The following SH3BGRL2 variants were observed in gnomAD, a reference collection of about 807,000 sequenced individuals.
The protein encoded by SH3BGRL2 is SH3 domain binding glutamate rich protein like 2, also known as SH3 domain-binding glutamic acid-rich-like protein 2.
A neutral mutation model predicts 14.8 loss-of-function variants in SH3BGRL2; 21 were observed. The ratio of observed to expected loss-of-function variants is 1.42; its 90% CI spans 1.01 to 2.05. SH3BGRL2 has a LOEUF of 2.05. Ranked by LOEUF, SH3BGRL2 falls within the 30% of genes most tolerant of loss-of-function variation. The pLI is 0.00. For synonymous variants in SH3BGRL2, 50 were observed against 47.8 expected (o/e 1.05, Z -0.19); for missense variants, 147 against 130.8 (o/e 1.12, Z -0.61).
chr6:79,550,441 C>T, the SH3BGRL2 span, among the ~76,000 whole-genome samples: 1 of 152,150 alleles, frequency 6.6e-6, no homozygotes, highest in Non-Finnish European at 1.5e-5. Flanking sequence ...GTAGATATAT[C>T]TGTATAATGA....
intron 1 of SH3BGRL2, among the ~76,000 whole-genome samples, chr6:79,660,489 C>T (rs910457750): frequency 1.1e-4 from 16 of 150,112 alleles, no homozygotes; most frequent in African/African-American, 2.4e-4. Flanking sequence ...GGGATGAAGG[C>T]GACCTGATCG....
chr6:79,545,960 G>A, the SH3BGRL2 span, among the ~76,000 whole-genome samples: 30,582 of 151,800 alleles, frequency 0.2, 3,138 homozygotes, highest in African/African-American at 0.23. Context: ...ATAAACTTCT[G>A]TTTATGAATA....
At chr6:79,635,660 TGAGC>T (rs1377283269) in intron 1 of SH3BGRL2, among the ~76,000 whole-genome samples, 3 of 152,096 alleles carry the variant, frequency 2.0e-5, no homozygotes, top group African/African-American at 7.2e-5. Context: ...CAGGGTGAAA[TGAGC>T]TAGACATCAG....
the SH3BGRL2 span, among the ~76,000 whole-genome samples, chr6:79,579,125 G>A: frequency 6.6e-6 from 1 of 152,034 alleles, no homozygotes; most frequent in South Asian, 2.1e-4. Flanking sequence ...AAGAAACAAA[G>A]CCTCCAAGAA....
chr6:79,578,064 G>C, the SH3BGRL2 span, among the ~76,000 whole-genome samples: 1 of 152,250 alleles, frequency 6.6e-6, no homozygotes, highest in Non-Finnish European at 1.5e-5. Context: ...AGCCTGGCTG[G>C]GAGAGGGGCA....
chr6:79,546,908 C>T, the SH3BGRL2 span, among the ~76,000 whole-genome samples: 1 of 151,996 alleles, frequency 6.6e-6, no homozygotes, highest in East Asian at 1.9e-4. Flanking sequence ...TCTCGAACTC[C>T]TGACCTCATG....
At chr6:79,646,425 T>C (rs1769145611) in intron 1 of SH3BGRL2, among the ~76,000 whole-genome samples, 1 of 152,250 alleles carries the variant, frequency 6.6e-6, no homozygotes, top group South Asian at 2.1e-4. Context: ...GCATTGGAAG[T>C]TGGGAGACTT....
chr6:79,564,795 A>G, the SH3BGRL2 span, among the ~76,000 whole-genome samples: 442 of 152,302 alleles, frequency 2.9e-3, 1 homozygote, highest in Admixed American at 6.0e-3. Context: ...CAATTAAAAT[A>G]GGGTGGAAAT....
intron 2 of SH3BGRL2, among the ~76,000 whole-genome samples, chr6:79,693,691 C>T (rs1342172306): frequency 6.6e-6 from 1 of 152,216 alleles, no homozygotes; most frequent in African/African-American, 2.4e-5. Flanking sequence ...ACCAGCCATG[C>T]ATCCCAGGGA....
intron 2 of SH3BGRL2, among the ~76,000 whole-genome samples, chr6:79,691,383 T>G (rs1215307207): frequency 6.6e-6 from 1 of 151,852 alleles, no homozygotes; most frequent in Non-Finnish European, 1.5e-5. Context: ...ACTTTAAGTT[T>G]TAGGGTACAT....
chr6:79,583,937 CAA>C, the SH3BGRL2 span, among the ~76,000 whole-genome samples: 1 of 152,096 alleles, frequency 6.6e-6, no homozygotes, highest in Non-Finnish European at 1.5e-5. Flanking sequence ...TTTCTAATAA[CAA>C]GAGGCCAAAT....
At chr6:79,638,719 C>G (rs1449681822) in intron 1 of SH3BGRL2, among the ~76,000 whole-genome samples, 1 of 151,860 alleles carries the variant, frequency 6.6e-6, no homozygotes, top group African/African-American at 2.4e-5. Context: ...TTTTTTTTAT[C>G]TATTTGTTGG....
the SH3BGRL2 span, among the ~76,000 whole-genome samples, chr6:79,589,585 A>G: frequency 1.3e-5 from 2 of 152,250 alleles, no homozygotes; most frequent in African/African-American, 4.8e-5. Context: ...TCATTTAAAT[A>G]TATTTGCTAA....
At chr6:79,582,944 AAAAT>A in the SH3BGRL2 span, among the ~76,000 whole-genome samples, 1 of 152,112 alleles carries the variant, frequency 6.6e-6, no homozygotes, top group South Asian at 2.1e-4. Flanking sequence ...TACAAGAAAA[AAAAT>A]AACCCCATCA....
chr6:79,583,861 G>C, the SH3BGRL2 span, among the ~76,000 whole-genome samples: 17,730 of 152,164 alleles, frequency 0.12, 1,808 homozygotes, highest in East Asian at 0.56. Context: ...TAAAACAGAA[G>C]GGTTCAGACT....
chr6:79,581,411 T>C, the SH3BGRL2 span, among the ~76,000 whole-genome samples: 2 of 152,128 alleles, frequency 1.3e-5, no homozygotes, highest in African/African-American at 2.4e-5. Flanking sequence ...GCAAACCAAA[T>C]CCAGCAGCAC....
intron 2 of SH3BGRL2, among the ~76,000 whole-genome samples, chr6:79,681,504 C>A (rs1769987357): frequency 6.6e-6 from 1 of 152,124 alleles, no homozygotes; most frequent in Non-Finnish European, 1.5e-5. Context: ...ACTGATTAGA[C>A]TAATTTTCAG....
chr6:79,556,875 A>C, the SH3BGRL2 span, among the ~76,000 whole-genome samples: 1 of 152,002 alleles, frequency 6.6e-6, no homozygotes, highest in Admixed American at 6.5e-5. Flanking sequence ...AAGTATAATA[A>C]ATATGCAAAA....
intron 2 of SH3BGRL2, among the ~76,000 whole-genome samples, chr6:79,686,310 G>A (rs770369073): frequency 2.6e-5 from 4 of 152,032 alleles, no homozygotes; most frequent in Admixed American, 6.5e-5. Context: ...TTATTTCTTT[G>A]CCCTTTTTCC....
Sources: gnomAD v4.1 joint callset for allele counts (sites outside exome capture counted in the v4.1 genomes callset) on GRCh38, gnomAD v4.1.1 for gene constraint, MANE v1.5 for transcripts, NCBI Gene and HGNC (gene_info 2026-07-23, HGNC 2026-07-21) for gene names.